Variants in PARD3 observed in about 807,000 individuals in gnomAD.
PARD3 encodes partitioning defective 3 homolog.
Under a neutral mutation model 155.4 loss-of-function variants are expected in PARD3, and 75 were observed. The ratio of observed to expected loss-of-function variants is 0.48; its 90% CI spans 0.40 to 0.58. The LOEUF is 0.58. Among genes scored for constraint, PARD3 ranks in the 20% least tolerant of loss-of-function variants. The pLI is 0.00. For missense variants in PARD3, 1,642 were observed against 1,721.7 expected (o/e 0.95, Z 0.82); for synonymous variants, 576 against 610.5 (o/e 0.94, Z 0.83).
chr10:34,199,575 C>G (rs569964583), intron 22 of PARD3, among the ~76,000 whole-genome samples: 10 of 152,182 alleles, frequency 6.6e-5, no homozygotes, highest in African/African-American at 2.4e-4. Flanking sequence ...GCACCCCCAA[C>G]CCCGGTTACC....
intron 3 of PARD3, among the ~76,000 whole-genome samples, chr10:34,476,436 C>G (rs1657231): frequency 0.93 from 141,059 of 152,076 alleles, 65,551 homozygotes; most frequent in African/African-American, 0.98. Flanking sequence ...CACAAAATCG[C>G]GTTTCATAAT....
chr10:34,110,334 T>A lies in PARD3; in HGVS notation c.*835A>T, dbSNP rs1400173052. On this transcript the variant is annotated 3_prime_UTR_variant, in exon 25 of 25. Transcript: ENST00000374788. Reference sequence around the variant, plus strand: ...CTAGGATGTACTGGGCCATGAGCTCTTCCTAGGAGAATTTCTTTCTTAGCT... The same window carrying A: ...CTAGGATGTACTGGGCCATGAGCTCATCCTAGGAGAATTTCTTTCTTAGCT... 2 of 152,168 alleles carry A rather than the reference T, an allele frequency of 1.3e-5. No individual in the cohort carries two copies. Among genetic ancestry groups the A allele is most frequent in the African/African-American group, 4.8e-5 (2 of 41,440 alleles). The allele number at this position is 152,168 out of a possible 1,614,324, so 9.4% of individuals were successfully genotyped here. A position where few individuals can be genotyped will look rare whatever the true frequency, so the allele number is the denominator to read the frequency against.
rs770895171 is a variant in PARD3, at chr10:34,359,152, T to G, written c.2062A>C (p.Asn688His). Residue 688 changes from asparagine to histidine, a missense_variant, in exon 14 of 25, where the codon AAT (asparagine) becomes CAT (histidine). Physicochemically the swap from Asn to His is moderately conservative, Grantham distance 68 (BLOSUM62 1). Transcript: ENST00000374788. ...LIVARRISKCNELKSPGSPPG... is the reference protein window; with the variant it reads ...LIVARRISKCHELKSPGSPPG... ...CACTTTTTTGCATTTCTTACCTCAT[T>G]GCACTTGCTTATTCTCCTTGCAACA... 6.2e-7 allele frequency: 1 copy of G among 1,611,224 alleles called. No individual in the cohort carries two copies. Among genetic ancestry groups the G allele is most frequent in the Non-Finnish European group, 8.5e-7 (1 of 1,178,950 alleles).
chr10:34,709,715 C>T (rs1035358031), intron 1 of PARD3, among the ~76,000 whole-genome samples: 2 of 152,056 alleles, frequency 1.3e-5, no homozygotes, highest in African/African-American at 2.4e-5. Flanking sequence ...TTGTTTGCTG[C>T]AGAGACACAG....
At chr10:34,651,660 A>G (rs2093018125) in intron 2 of PARD3, among the ~76,000 whole-genome samples, 4 of 152,228 alleles carry the variant, frequency 2.6e-5, no homozygotes, top group South Asian at 4.1e-4. Flanking sequence ...ACGTTAATAC[A>G]GTATGCTGGT....
chr10:34,352,484 T>G (rs1353323459), intron 14 of PARD3, among the ~76,000 whole-genome samples: 1 of 152,190 alleles, frequency 6.6e-6, no homozygotes, highest in East Asian at 1.9e-4. Flanking sequence ...TGCCTGGGAT[T>G]GCAGGCACGC....
At chr10:34,731,911 C>T (rs1462754588) in intron 1 of PARD3, among the ~76,000 whole-genome samples, 1 of 152,132 alleles carries the variant, frequency 6.6e-6, no homozygotes, top group African/African-American at 2.4e-5. Flanking sequence ...TCCCAAGGCT[C>T]ATTTTTCTCA....
At chr10:34,450,189 A>G in intron 5 of PARD3, 128 bp downstream of exon 5, 1 of 816,418 alleles carries the variant, frequency 1.2e-6, no homozygotes. Flanking sequence ...AGAGATTGGT[A>G]CTTAACTAAA....
chr10:34,500,763 T>C (rs1014223776), intron 3 of PARD3, among the ~76,000 whole-genome samples: 2 of 152,040 alleles, frequency 1.3e-5, no homozygotes, highest in South Asian at 2.1e-4. Context: ...TAAATTATAA[T>C]AACATAAAAT....
chr10:34,143,586 T>C (rs961279100), intron 22 of PARD3, among the ~76,000 whole-genome samples: 2 of 152,216 alleles, frequency 1.3e-5, no homozygotes, highest in Non-Finnish European at 2.9e-5. Flanking sequence ...GAAACTAAGC[T>C]ATGTTTTTTT....
At chr10:34,401,385 T>C (rs567096545) in intron 6 of PARD3, among the ~76,000 whole-genome samples, 2 of 152,324 alleles carry the variant, frequency 1.3e-5, no homozygotes, top group South Asian at 4.1e-4. Context: ...TACATATATT[T>C]ACATGCACTA....
intron 2 of PARD3, among the ~76,000 whole-genome samples, chr10:34,555,625 T>C (rs2084918800): frequency 6.6e-6 from 1 of 152,238 alleles, no homozygotes; most frequent in Non-Finnish European, 1.5e-5. Flanking sequence ...TACATCATTA[T>C]TTAATTGACC....
intron 2 of PARD3, among the ~76,000 whole-genome samples, chr10:34,591,870 G>A (rs528156613): frequency 5.9e-5 from 9 of 152,258 alleles, no homozygotes; most frequent in South Asian, 2.1e-4. Context: ...CTTCTGGGAT[G>A]AGCCAACACA....
intron 3 of PARD3, among the ~76,000 whole-genome samples, chr10:34,480,017 A>T (rs2078972541): frequency 6.6e-6 from 1 of 152,214 alleles, no homozygotes; most frequent in Admixed American, 6.5e-5. Flanking sequence ...AAGGCTGAAT[A>T]AGCCTGCCTT....
At chr10:34,670,558 C>T (rs2093592115) in intron 2 of PARD3, among the ~76,000 whole-genome samples, 1 of 152,214 alleles carries the variant, frequency 6.6e-6, no homozygotes, top group Non-Finnish European at 1.5e-5. Context: ...CTAGCCCCAA[C>T]CCCATCCCAC....
Position 34,556,741 on chromosome 10 carries a change from T to C in PARD3, c.223-39582A>G, listed in dbSNP as rs933338745. Among the ~76,000 whole-genome samples the C allele has an allele frequency of 2.0e-5, 3 of 152,156 alleles. No homozygotes were observed. In the East Asian group the frequency reaches 5.8e-4, roughly 29 times the overall value. On this transcript the variant is annotated intron_variant, in intron 2 of 24. Transcript: ENST00000374788. ...GTGTTTATTATTTTTTCTGTCCATG[T>C]CTGTTCCAGTCATGAACTTCAAGAG... is the stretch of plus-strand genomic sequence containing the variant.
rs1350241866 is a variant in PARD3, at chr10:34,359,970, A to G, written c.1896+101T>C. The G allele has an allele frequency of 8.3e-6, 7 of 847,564 alleles. No individual in the cohort carries two copies. The Admixed American group carries it at 8.9e-5, about 11-fold the overall frequency. The allele number at this position is 847,564 out of a possible 1,614,324, so 52.5% of individuals were successfully genotyped here. A position where few individuals can be genotyped will look rare whatever the true frequency, so the allele number is the denominator to read the frequency against. Reference sequence around the variant, plus strand: ...ATGTGAATGTGGGTACCATAAAGAAATGAGAAAACTTCTGTTAACTGTATA... The same window carrying G: ...ATGTGAATGTGGGTACCATAAAGAAGTGAGAAAACTTCTGTTAACTGTATA... On this transcript the variant is annotated intron_variant, in intron 13 of 24. Transcript: ENST00000374788.
At chr10:34,808,474 C>T (rs1843677353) in intron 1 of PARD3, among the ~76,000 whole-genome samples, 1 of 152,156 alleles carries the variant, frequency 6.6e-6, no homozygotes, top group Non-Finnish European at 1.5e-5. Context: ...TATACATTTA[C>T]TGATGTCCAG....
intron 2 of PARD3, among the ~76,000 whole-genome samples, chr10:34,671,500 G>T (rs916566722): frequency 2.6e-5 from 4 of 151,960 alleles, no homozygotes; most frequent in Admixed American, 2.6e-4. Context: ...AAACATAGTG[G>T]TAAAAAAACT....
Sources: allele counts gnomAD v4.1 joint callset (sites outside exome capture counted in the v4.1 genomes callset), GRCh38; gene constraint gnomAD v4.1.1; transcripts MANE v1.5; gene names NCBI Gene and HGNC (gene_info 2026-07-23, HGNC 2026-07-21).